The following CNTN6 variants were observed in gnomAD, a reference collection of about 807,000 sequenced individuals.
CNTN6 encodes contactin 6, also known as contactin-6.
In CNTN6, 137 loss-of-function variants were observed where a neutral mutation model predicts 122.8. The ratio of observed to expected loss-of-function variants is 1.12; its 90% CI spans 0.97 to 1.29. The LOEUF (loss-of-function observed/expected upper bound fraction) is 1.29. Ranked by LOEUF, CNTN6 falls within the 50% of genes most tolerant of loss-of-function variation. The probability of loss-of-function intolerance (pLI) is 0.00; values close to 1 mark genes in which losing one functional copy is unlikely to be tolerated. For synonymous variants in CNTN6, 570 were observed against 426.0 expected, an observed-to-expected ratio of 1.34 and a Z score of -4.16; for missense variants, 1,634 against 1,223.4, an observed-to-expected ratio of 1.34 and a Z score of -5.01.
At chr3:1,212,252 G>GTTTTTT (rs74499004) in intron 2 of CNTN6, among the ~76,000 whole-genome samples, 27 of 118,374 alleles carry the variant, frequency 2.3e-4, no homozygotes, top group Non-Finnish European at 4.2e-4. Flanking sequence ...AATAAAACTT[G>GTTTTTT]TTTTTTTTTT....
At chr3:1,278,209 G>A (rs931513761) in intron 4 of CNTN6, among the ~76,000 whole-genome samples, 3 of 152,136 alleles carry the variant, frequency 2.0e-5, no homozygotes, top group African/African-American at 7.2e-5. Context: ...ATCACATACT[G>A]TGTTTAATTA....
At chr3:1,243,720 T>A (rs1202739622) in intron 4 of CNTN6, among the ~76,000 whole-genome samples, 1 of 152,162 alleles carries the variant, frequency 6.6e-6, no homozygotes, top group Non-Finnish European at 1.5e-5. Context: ...AAGAGTAAAT[T>A]GCTCGGCAGG....
intron 2 of CNTN6, among the ~76,000 whole-genome samples, chr3:1,201,117 G>A (rs934901337): frequency 1.3e-5 from 2 of 150,068 alleles, no homozygotes; most frequent in Admixed American, 1.3e-4. Context: ...GTGTGTGTGT[G>A]TGTGTGTGTG....
intron 12 of CNTN6, among the ~76,000 whole-genome samples, chr3:1,370,947 T>G (rs1229314228): frequency 6.6e-6 from 1 of 152,184 alleles, no homozygotes; most frequent in East Asian, 1.9e-4. Context: ...TGATACAGAA[T>G]GAGTTTGATT....
At chr3:1,245,316 ATATAT>A (rs2094566185) in intron 4 of CNTN6, among the ~76,000 whole-genome samples, 1 of 32,016 alleles carries the variant, frequency 3.1e-5, no homozygotes, top group Non-Finnish European at 5.8e-5. Flanking sequence ...ATATATATAT[ATATAT>A]ATATATATAT....
At chr3:1,149,937 T>C (rs1004907672) in intron 2 of CNTN6, among the ~76,000 whole-genome samples, 3 of 152,194 alleles carry the variant, frequency 2.0e-5, no homozygotes, top group African/African-American at 7.2e-5. Flanking sequence ...CCAGCTCTTA[T>C]ATTAACTTTT....
rs1190851541 is a variant in CNTN6 at position 1,327,459 on chromosome 3, G to T, written c.1086G>T (p.Glu362Asp). ...TTATATGCCTTTTCCTTTATTAGGAGAGAATTCAAATAGAAAATGGGACAC... is the reference window on the plus strand; with the variant it reads ...TTATATGCCTTTTCCTTTATTAGGATAGAATTCAAATAGAAAATGGGACAC... Reference protein sequence around the residue: ...LKNGERLNPEERIQIENGTLI... With the variant: ...LKNGERLNPEDRIQIENGTLI... The change falls in exon 10 of 23, where the codon GAG becomes GAT. Residue 362 changes from glutamate (E) to aspartate (D), a missense_variant and splice_region_variant. By Grantham distance (45) the Glu-to-Asp change is conservative. Coordinates refer to ENST00000446702, the MANE Select transcript of CNTN6 (RefSeq NM_001289080.2). 6.2e-7 allele frequency: 1 copy of T among 1,609,872 alleles called. No homozygotes were observed. Among genetic ancestry groups the T allele is most frequent in the African/African-American group, 1.3e-5 (1 of 74,744 alleles).
rs1037307216 is a variant in CNTN6, at chr3:1,283,250, C to T, written c.454+4742C>T. On this transcript the variant is annotated intron_variant, in intron 5 of 22. Transcript: ENST00000446702. Reference sequence around the variant, plus strand: ...GATCACCGGTGTGAGCCACTGCTCCCAGCCCACAAAACTTATTTAGTATTT... The same window carrying T: ...GATCACCGGTGTGAGCCACTGCTCCTAGCCCACAAAACTTATTTAGTATTT... 1.3e-5 allele frequency among the ~76,000 whole-genome samples: 2 copies of T among 152,160 alleles called. 1 individual carries two copies. The highest frequency in any genetic ancestry group is 2.9e-5 in the Non-Finnish European group (2 of 68,036).
rs140436521 is a variant in CNTN6, at chr3:1,273,426, A to G, written c.359-4987A>G. 2.2e-3 allele frequency among the ~76,000 whole-genome samples: 329 copies of G among 152,298 alleles called. 6 individuals are homozygous for G. The highest frequency in any genetic ancestry group is 2.5e-3 in the East Asian group (13 of 5,178). ...AGTTTTTAAAGGTCTTACAGAGCAA[A>G]GAAAATATTCGCTGGATGCTTGTAT... On this transcript the variant is annotated intron_variant, in intron 4 of 22. Transcript: ENST00000446702.
intron 4 of CNTN6, among the ~76,000 whole-genome samples, chr3:1,247,290 G>A (rs1258235493): frequency 6.6e-6 from 1 of 152,086 alleles, no homozygotes. Flanking sequence ...GTTCTACAGT[G>A]CCATTCCTAA....
chr3:1,384,760 CATAT>C (rs1265155889), intron 19 of CNTN6, among the ~76,000 whole-genome samples: 40 of 100,072 alleles, frequency 4.0e-4, no homozygotes, highest in Admixed American at 1.3e-3. Context: ...CATATATATA[CATAT>C]ATATACACAT....
At chr3:1,130,098 A>G (rs1220314618) in intron 1 of CNTN6, among the ~76,000 whole-genome samples, 1 of 152,066 alleles carries the variant, frequency 6.6e-6, no homozygotes, top group Non-Finnish European at 1.5e-5. Context: ...GCCGATTGCA[A>G]AACAAGAAGA....
chr3:1,242,745 G>T (rs1284900664), intron 4 of CNTN6, among the ~76,000 whole-genome samples: 7 of 152,104 alleles, frequency 4.6e-5, no homozygotes, highest in African/African-American at 7.2e-5. Flanking sequence ...GGAATAGTCA[G>T]GGAAGCAGAT....
intron 20 of CNTN6, among the ~76,000 whole-genome samples, chr3:1,392,434 A>C (rs1694303594): frequency 6.6e-6 from 1 of 152,204 alleles, no homozygotes; most frequent in Non-Finnish European, 1.5e-5. Flanking sequence ...TAAATGTTAG[A>C]CCTAAAACCA....
At chr3:1,183,170 T>C (rs974881909) in intron 2 of CNTN6, among the ~76,000 whole-genome samples, 1 of 152,142 alleles carries the variant, frequency 6.6e-6, no homozygotes, top group Non-Finnish European at 1.5e-5. Flanking sequence ...TATTGAAATT[T>C]ACAGTTTTCA....
At chr3:1,342,502 T>C (rs2126041733) in intron 11 of CNTN6, among the ~76,000 whole-genome samples, 1 of 152,326 alleles carries the variant, frequency 6.6e-6, no homozygotes, top group African/African-American at 2.4e-5. Flanking sequence ...CTGTTTATGA[T>C]GTCACTTCAT....
chr3:1,188,034 T>C (rs1461410632), intron 2 of CNTN6, among the ~76,000 whole-genome samples: 1 of 147,838 alleles, frequency 6.8e-6, no homozygotes, highest in Non-Finnish European at 1.5e-5. Context: ...AATCTTACTC[T>C]TTTTTTTCTA....
chr3:1,167,934 T>A (rs893772111), intron 2 of CNTN6, among the ~76,000 whole-genome samples: 1 of 152,220 alleles, frequency 6.6e-6, no homozygotes, highest in Non-Finnish European at 1.5e-5. Flanking sequence ...TATTTTGAGA[T>A]GAAGTCTCAC....
At chr3:1,110,094 G>A (rs2091410114) in intron 1 of CNTN6, among the ~76,000 whole-genome samples, 1 of 151,952 alleles carries the variant, frequency 6.6e-6, no homozygotes, top group South Asian at 2.1e-4. Flanking sequence ...TCCTTCTTTA[G>A]GAACAGTGCT....
Sources: allele counts gnomAD v4.1 joint callset (sites outside exome capture counted in the v4.1 genomes callset), GRCh38; gene constraint gnomAD v4.1.1; transcripts MANE v1.5; gene names NCBI Gene and HGNC (gene_info 2026-07-23, HGNC 2026-07-21).